The following PRDM2 variants were observed in gnomAD, a reference collection of about 807,000 sequenced individuals.
The protein encoded by PRDM2 is PR domain zinc finger protein 2.
A neutral mutation model predicts 130.0 loss-of-function variants in PRDM2; 30 were observed. The observed-to-expected ratio is 0.23, with a 90% CI of 0.17 to 0.31. The LOEUF (loss-of-function observed/expected upper bound fraction) is 0.31. PRDM2 is among the 10% of genes least tolerant of loss of function. PRDM2 has a pLI of 1.00. For synonymous variants in PRDM2, 871 were observed against 782.4 expected (o/e 1.11, Z -1.89); for missense variants, 2,011 against 2,108.4 (o/e 0.95, Z 0.90).
At chr1:13,713,810 G>A (rs1569692814) in intron 1 of PRDM2, among the ~76,000 whole-genome samples, 1 of 152,128 alleles carries the variant, frequency 6.6e-6, no homozygotes, top group African/African-American at 2.4e-5. Context: ...GTTTCTGGTC[G>A]AGGGTCAGGT....
At chr1:13,820,939 G>A (rs982229736) in intron 9 of PRDM2, among the ~76,000 whole-genome samples, 1 of 152,078 alleles carries the variant, frequency 6.6e-6, no homozygotes. Flanking sequence ...TCATGGGCAC[G>A]GGCACACAGG....
chr1:13,759,084 A>G (rs1644033692), intron 6 of PRDM2, among the ~76,000 whole-genome samples: 1 of 152,102 alleles, frequency 6.6e-6, no homozygotes, highest in African/African-American at 2.4e-5. Context: ...GTCTGTTACC[A>G]GTTATGGAGA....
Position 13,822,964 on chromosome 1 carries a change from T to C in PRDM2, c.*24-195T>C, listed in dbSNP as rs374760376. Among the ~76,000 whole-genome samples, 11 of 152,326 alleles carry C rather than the reference T, an allele frequency of 7.2e-5. No individual in the cohort carries two copies. In the South Asian group the frequency reaches 1.0e-3, roughly 14 times the overall value. On this transcript the variant is annotated intron_variant, in intron 9 of 9. Coordinates refer to ENST00000311066, the MANE Select transcript of PRDM2 (RefSeq NM_001393986.1). The stretch of plus-strand genomic sequence containing the variant: ...GGGCTGATGGGCGGCTGTCACATTC[T>C]GATTCTTCATCTGGGTGCCAGCTCT...
Position 13,780,724 on chromosome 1 carries a change from C to A in PRDM2, c.2929C>A (p.Pro977Thr). The A allele has an allele frequency of 1.9e-6, 3 of 1,586,916 alleles. No homozygotes were observed. The highest frequency in any genetic ancestry group is 1.1e-5 in the South Asian group (1 of 88,318). Reference sequence around the variant, plus strand: ...AGATCCCTCTTCCCCTCCACCCTGTCCCCCGGTATTAACTGTTGCCACTCC... The same window carrying A: ...AGATCCCTCTTCCCCTCCACCCTGTACCCCGGTATTAACTGTTGCCACTCC... Reference protein sequence around the residue: ...PTDPSSPPPCPPVLTVATPPP... With the variant: ...PTDPSSPPPCTPVLTVATPPP... Residue 977 changes from proline (P) to threonine (T), a missense_variant, in exon 8 of 10, where the codon CCC becomes ACC. Pro to Thr is a conservative substitution (Grantham distance 38, BLOSUM62 -1). Transcript: ENST00000311066.
intron 6 of PRDM2, among the ~76,000 whole-genome samples, chr1:13,765,869 A>G: frequency 6.6e-6 from 1 of 152,164 alleles, no homozygotes; most frequent in South Asian, 2.1e-4. Flanking sequence ...ATTTTATAGG[A>G]GTCATTTAAC....
intron 8 of PRDM2, among the ~76,000 whole-genome samples, chr1:13,801,592 C>T (rs1315574087): frequency 6.6e-6 from 1 of 152,174 alleles, no homozygotes; most frequent in Non-Finnish European, 1.5e-5. Flanking sequence ...GCCTTAGTTC[C>T]TCATCTGTAA....
chr1:13,773,268 C>A, intron 7 of PRDM2, 80 bp downstream of exon 7: 2 of 806,638 alleles, frequency 2.5e-6, no homozygotes, highest in Non-Finnish European at 3.6e-6. Flanking sequence ...TTTATATTGT[C>A]CTTCTGAGAA....
In PRDM2 at chr1:13,780,012, T is replaced by A; in HGVS notation, c.2217T>A (p.Ser739=). The A allele has an allele frequency of 6.2e-7, 1 of 1,614,168 alleles. No individual in the cohort carries two copies. Among genetic ancestry groups the A allele is most frequent in the Non-Finnish European group, 8.5e-7 (1 of 1,180,036 alleles). The part of the protein sequence containing the change: ...TSSRFKRRTS[S]PPSSPQHSPA... ...GTAGGTTTAAGAGGCGGACCAGCTC[T>A]CCTCCCAGTTCTCCACAGCACAGTC... Residue 739 remains serine (S), a synonymous_variant, in exon 8 of 10, where the codon TCT becomes TCA. Transcript: ENST00000311066.
At position 13,778,924 on chromosome 1, in the gene PRDM2, C is replaced by T. The variant is rs769704605; in HGVS notation, c.1129C>T (p.Arg377Cys). The change falls in exon 8 of 10, where the codon CGT (arginine) becomes TGT (cysteine). Residue 377 changes from arginine (R) to cysteine (C), a missense_variant. Coordinates refer to ENST00000311066, the MANE Select transcript of PRDM2 (RefSeq NM_001393986.1). Reference protein sequence around the residue: ...RKFTTKQGLERHMHIHISTVN... With the variant: ...RKFTTKQGLECHMHIHISTVN... ...GTTTACAACCAAACAGGGGCTTGAG[C>T]GTCACATGCATATCCATATATCCAC... 2 of 1,614,194 alleles carry T rather than the reference C, an allele frequency of 1.2e-6. No individual in the cohort carries two copies. Among genetic ancestry groups the T allele is most frequent in the South Asian group, 1.1e-5 (1 of 91,082 alleles).
At chr1:13,733,366 A>G (rs1643168796) in intron 4 of PRDM2, among the ~76,000 whole-genome samples, 1 of 152,184 alleles carries the variant, frequency 6.6e-6, no homozygotes, top group African/African-American at 2.4e-5. Context: ...TTCATCTATT[A>G]ATTTCATGTT....
chr1:13,783,416 C>T (rs1022172700), intron 8 of PRDM2, among the ~76,000 whole-genome samples: 5 of 152,164 alleles, frequency 3.3e-5, no homozygotes, highest in South Asian at 4.1e-4. Context: ...AGCCGTAGGA[C>T]GGTAAACAAG....
chr1:13,709,381 G>C (rs903144637), intron 1 of PRDM2, among the ~76,000 whole-genome samples: 1 of 152,156 alleles, frequency 6.6e-6, no homozygotes, highest in African/African-American at 2.4e-5. Flanking sequence ...GTGCGTGGTA[G>C]TTTTCTATGA....
intron 8 of PRDM2, among the ~76,000 whole-genome samples, chr1:13,808,273 C>A (rs534397121): frequency 6.6e-6 from 1 of 152,022 alleles, no homozygotes; most frequent in Non-Finnish European, 1.5e-5. Flanking sequence ...GGGCGGATCA[C>A]GAGGTCAGGA....
chr1:13,780,688 T>A lies in PRDM2; in HGVS notation c.2893T>A (p.Leu965Met). 6.2e-7 allele frequency: 1 copy of A among 1,609,776 alleles called. No individual in the cohort carries two copies. The highest frequency in any genetic ancestry group is 8.5e-7 in the Non-Finnish European group (1 of 1,177,676). ...SLSSGQLPPL[L>M]IPTDPSSPPP... ...TTCATCCGGTCAGCTGCCTCCTCTC[T>A]TGATCCCCACAGATCCCTCTTCCCC... is the stretch of plus-strand genomic sequence containing the variant. The change falls in exon 8 of 10, where the codon TTG becomes ATG. Residue 965 changes from leucine (L) to methionine (M), a missense_variant. Physicochemically the swap from Leu to Met is conservative, Grantham distance 15. Transcript: ENST00000311066.
intron 8 of PRDM2, among the ~76,000 whole-genome samples, chr1:13,814,714 G>A (rs1333674043): frequency 2.0e-5 from 3 of 152,200 alleles, no homozygotes; most frequent in Non-Finnish European, 2.9e-5. Flanking sequence ...AACCACTCAT[G>A]TGAGCTCTAC....
At position 13,707,057 on chromosome 1, in the gene PRDM2, A is replaced by G. The variant is rs145477137; in HGVS notation, c.-66+6757A>G. Among the ~76,000 whole-genome samples the G allele has an allele frequency of 6.4e-4, 98 of 152,162 alleles. 1 individual carries two copies. In the East Asian group the frequency reaches 8.3e-3, roughly 13 times the overall value. On this transcript the variant is annotated intron_variant, in intron 1 of 9. Transcript: ENST00000311066. ...AGTGTGCCTGACACCGTAGCAAAAG[A>G]GTTTAAGTTGTCATTTTATCTATTA...
chr1:13,770,879 C>A lies in PRDM2; in HGVS notation c.512-2199C>A, dbSNP rs1315448646. Among the ~76,000 whole-genome samples, 3 of 152,336 alleles carry A rather than the reference C, an allele frequency of 2.0e-5. No homozygotes were observed. In the South Asian group the frequency reaches 6.2e-4, roughly 32 times the overall value. ...AAAAGAAGCCGTGAATTTCCTCACACATCAGTTGCAGCACAGAGAAGTTAT... is the reference window on the plus strand; with the variant it reads ...AAAAGAAGCCGTGAATTTCCTCACAAATCAGTTGCAGCACAGAGAAGTTAT... On this transcript the variant is annotated intron_variant, in intron 6 of 9. Coordinates refer to ENST00000311066, the MANE Select transcript of PRDM2 (RefSeq NM_001393986.1).
chr1:13,794,266 A>G (rs1239545069), intron 8 of PRDM2, among the ~76,000 whole-genome samples: 1 of 152,106 alleles, frequency 6.6e-6, no homozygotes, highest in Non-Finnish European at 1.5e-5. Flanking sequence ...GATCTGTCAC[A>G]CTGCCTGGTC....
intron 2 of PRDM2, among the ~76,000 whole-genome samples, chr1:13,724,367 A>G (rs964982387): frequency 1.3e-4 from 19 of 151,678 alleles, no homozygotes; most frequent in African/African-American, 4.6e-4. Flanking sequence ...AATGATAAAG[A>G]CTCTTGTGCC....
Sources: allele counts gnomAD v4.1 joint callset (sites outside exome capture counted in the v4.1 genomes callset), GRCh38; gene constraint gnomAD v4.1.1; transcripts MANE v1.5; gene names NCBI Gene and HGNC (gene_info 2026-07-23, HGNC 2026-07-21).